Variants in SPOCK2 observed in about 807,000 individuals in gnomAD.
SPOCK2 encodes the protein SPARC (osteonectin), cwcv and kazal like domains proteoglycan 2.
SPOCK2 carries 39 observed loss-of-function variants against 60.1 expected under a neutral mutation model. The observed-to-expected ratio is 0.65, with a 90% CI of 0.50 to 0.85. The LOEUF (loss-of-function observed/expected upper bound fraction) is 0.85, where lower values mean the gene tolerates loss of function less well. Ranked by LOEUF, SPOCK2 falls within the 40% of genes least tolerant of loss-of-function variation. The pLI is 0.00. For synonymous variants in SPOCK2, 217 were observed against 231.5 expected, an observed-to-expected ratio of 0.94 and a Z score of 0.57; for missense variants, 523 against 567.4, an observed-to-expected ratio of 0.92 and a Z score of 0.80.
chr10:72,072,729 T>A, intron 2 of SPOCK2, 173 bp downstream of exon 2: 1 of 1,342,832 alleles, frequency 7.4e-7, no homozygotes, highest in East Asian at 2.5e-5. Flanking sequence ...TCTATCCCTA[T>A]AAACCCATGT....
At chr10:72,064,103 G>C (rs1840533328) in intron 9 of SPOCK2, 75 bp downstream of exon 9, 1 of 1,551,144 alleles carries the variant, frequency 6.4e-7, no homozygotes, top group Non-Finnish European at 8.8e-7. Context: ...GCCCAAGGCT[G>C]GAGGCCCTGG....
rs1735848044 is a variant in SPOCK2 at position 72,079,702 on chromosome 10, A to G, written c.190-6792T>C. On this transcript the variant is annotated intron_variant, in intron 1 of 10. Transcript: ENST00000373109. ...TCTCCCAGCTTCTCCATCTGGTATG[A>G]AGCTTGGGACCTAGCAGCGAATCAG... Among the ~76,000 whole-genome samples the G allele has an allele frequency of 4.6e-5, 7 of 152,170 alleles. No individual in the cohort carries two copies. The South Asian group carries it at 1.4e-3, about 31-fold the overall frequency.
chr10:72,070,556 C>A (rs1840633364), intron 4 of SPOCK2, 130 bp from the exon 5 acceptor site: 4 of 761,354 alleles, frequency 5.3e-6, no homozygotes, highest in Non-Finnish European at 8.6e-6. Flanking sequence ...CCCCTTCCTG[C>A]CCCTGCCCAC....
At chr10:72,072,479 C>A (rs756384068) in intron 3 of SPOCK2, 24 bp downstream of exon 3, 9 of 1,613,694 alleles carry the variant, frequency 5.6e-6, no homozygotes, top group African/African-American at 1.3e-5. Flanking sequence ...CAGTCACCTT[C>A]CCCCGCCGGG....
chr10:72,067,775 A>G, intron 6 of SPOCK2, 43 bp from the exon 7 acceptor site: 1 of 1,598,562 alleles, frequency 6.3e-7, no homozygotes, highest in Non-Finnish European at 8.5e-7. Flanking sequence ...TGTGCAGTGG[A>G]GCAGCAGGCT....
chr10:72,067,476 G>A, intron 7 of SPOCK2, 137 bp downstream of exon 7: 1 of 1,453,150 alleles, frequency 6.9e-7, no homozygotes, highest in South Asian at 1.3e-5. Flanking sequence ...TTGGGGTGAA[G>A]GTTCTTTTGG....
intron 6 of SPOCK2, among the ~76,000 whole-genome samples, 181 bp downstream of exon 6, chr10:72,068,006 T>C: frequency 6.6e-6 from 1 of 152,194 alleles, no homozygotes; most frequent in East Asian, 1.9e-4. Context: ...AAACGAGGGC[T>C]GAGCCCACGC....
At chr10:72,076,277 TG>T (rs747758812) in intron 1 of SPOCK2, among the ~76,000 whole-genome samples, 4 of 152,190 alleles carry the variant, frequency 2.6e-5, no homozygotes, top group Non-Finnish European at 4.4e-5. Context: ...AGGTGTGGGC[TG>T]GCGCCACCTT....
At position 72,059,267 on chromosome 10, in the gene SPOCK2, G is replaced by A. The variant is rs1383609652; in HGVS notation, c.*3493C>T. ...GTGCCCATCAACGCACACGCACACAGTCTAACACTTTGTTTTTCAATTTTT... is the reference window on the plus strand; with the variant it reads ...GTGCCCATCAACGCACACGCACACAATCTAACACTTTGTTTTTCAATTTTT... On this transcript the variant is annotated 3_prime_UTR_variant, in exon 11 of 11. Transcript: ENST00000373109. 6.6e-6 allele frequency: 1 copy of A among 152,662 alleles called. No individual in the cohort carries two copies. The allele number at this position is 152,662 out of a possible 1,614,324, so 9.5% of individuals were successfully genotyped here. A position where few individuals can be genotyped will look rare whatever the true frequency, so the allele number is the denominator to read the frequency against.
chr10:72,067,688 G>T lies in SPOCK2; in HGVS notation c.634C>A (p.Arg212=), dbSNP rs550148385. The T allele has an allele frequency of 3.7e-6, 6 of 1,613,364 alleles. No individual in the cohort carries two copies. The highest frequency in any genetic ancestry group is 5.1e-6 in the Non-Finnish European group (6 of 1,179,952). Residue 212 remains arginine (R), a synonymous_variant, in exon 7 of 11, where the codon CGG becomes AGG. Transcript: ENST00000373109. The part of the protein sequence containing the change: ...QDLADLGDRL[R]DWFQLLHENS... ...TCATGAAGGAGCTGGAACCAGTCCC[G>T]CAGCCGATCTCCCAGGTCAGCCAGG...
intron 1 of SPOCK2, among the ~76,000 whole-genome samples, chr10:72,080,299 A>G (rs1183846688): frequency 6.6e-6 from 1 of 152,186 alleles, no homozygotes; most frequent in Non-Finnish European, 1.5e-5. Context: ...CTAAAAATGG[A>G]AGTGGGCCAG....
intron 6 of SPOCK2, among the ~76,000 whole-genome samples, 199 bp downstream of exon 6, chr10:72,067,988 C>G (rs1235060771): frequency 6.6e-6 from 1 of 152,142 alleles, no homozygotes; most frequent in African/African-American, 2.4e-5. Context: ...TCCAGGCACC[C>G]AGGGGAGAAA....
Position 72,088,247 on chromosome 10 carries a change from C to G in SPOCK2, c.82G>C (p.Gly28Arg). The G allele has an allele frequency of 6.2e-7, 1 of 1,610,956 alleles. No homozygotes were observed. The highest frequency in any genetic ancestry group is 8.5e-7 in the Non-Finnish European group (1 of 1,179,418). The part of the protein sequence containing the change: ...AAALAEGDAK[G>R]LKEGETPGNF... ...CCGGGGGTCTCGCCCTCCTTGAGCC[C>G]CTTGGCGTCGCCTTCGGCCAGGGCT... is the stretch of plus-strand genomic sequence containing the variant. Residue 28 changes from glycine to arginine, a missense_variant, in exon 1 of 11, where the codon GGG becomes CGG. By Grantham distance (125) the Gly-to-Arg change is moderately radical. Transcript: ENST00000373109.
intron 1 of SPOCK2, among the ~76,000 whole-genome samples, chr10:72,081,246 T>C (rs2131821926): frequency 6.6e-6 from 1 of 152,328 alleles, no homozygotes; most frequent in East Asian, 1.9e-4. Context: ...CTCCCCCAGT[T>C]CTTCCAAACT....
chr10:72,081,284 G>A (rs115738770), intron 1 of SPOCK2, among the ~76,000 whole-genome samples: 2 of 152,356 alleles, frequency 1.3e-5, no homozygotes, highest in African/African-American at 2.4e-5. Flanking sequence ...CGGAATAGGA[G>A]CCCGAACGAT....
At chr10:72,071,900 A>G (rs1263937069) in intron 4 of SPOCK2, among the ~76,000 whole-genome samples, 1 of 152,120 alleles carries the variant, frequency 6.6e-6, no homozygotes, top group Admixed American at 6.5e-5. Flanking sequence ...CAGATGAAAC[A>G]GCCCCAGCCA....
chr10:72,076,672 G>A lies in SPOCK2; in HGVS notation c.190-3762C>T, dbSNP rs941535693. 2.0e-5 allele frequency among the ~76,000 whole-genome samples: 3 copies of A among 152,212 alleles called. No homozygotes were observed. In the East Asian group the frequency reaches 5.8e-4, roughly 29 times the overall value. Reference sequence around the variant, plus strand: ...GGGCTCAGGCAGTCCTCCTGCCTTAGACTCCTACAGTGCTGAGATTATAGG... The same window carrying A: ...GGGCTCAGGCAGTCCTCCTGCCTTAAACTCCTACAGTGCTGAGATTATAGG... On this transcript the variant is annotated intron_variant, in intron 1 of 10. Coordinates refer to ENST00000373109, the MANE Select transcript of SPOCK2 (RefSeq NM_001244950.2).
intron 9 of SPOCK2, among the ~76,000 whole-genome samples, chr10:72,063,486 T>C (rs1479895393): frequency 6.6e-6 from 1 of 152,206 alleles, no homozygotes; most frequent in African/African-American, 2.4e-5. Flanking sequence ...TCACCAGGTT[T>C]GACACTCTCC....
At chr10:72,084,604 A>C (rs1840830995) in intron 1 of SPOCK2, among the ~76,000 whole-genome samples, 1 of 152,318 alleles carries the variant, frequency 6.6e-6, no homozygotes, top group East Asian at 1.9e-4. Flanking sequence ...TTTGCTCTTC[A>C]GGGTAGACCC....
Sources: allele counts gnomAD v4.1 joint callset (sites outside exome capture counted in the v4.1 genomes callset), GRCh38; gene constraint gnomAD v4.1.1; transcripts MANE v1.5; gene names NCBI Gene and HGNC (gene_info 2026-07-23, HGNC 2026-07-21).